Variants in SLC16A7 observed in about 807,000 individuals in gnomAD.
SLC16A7 encodes the protein solute carrier family 16 member 7.
SLC16A7 carries 33 observed loss-of-function variants against 34.9 expected under a neutral mutation model. That is an observed-to-expected ratio of 0.94 (90% CI 0.72 to 1.26). The LOEUF (loss-of-function observed/expected upper bound fraction) is 1.26. Ranked by LOEUF, SLC16A7 falls within the 50% of genes most tolerant of loss-of-function variation. The probability of loss-of-function intolerance (pLI) is 0.00; values close to 1 mark genes in which losing one functional copy is unlikely to be tolerated. For missense variants in SLC16A7, 573 were observed against 578.1 expected (o/e 0.99, Z 0.09); for synonymous variants, 201 against 206.6 (o/e 0.97, Z 0.23).
intron 3 of SLC16A7, among the ~76,000 whole-genome samples, chr12:59,730,382 A>G (rs1424532910): frequency 6.6e-6 from 1 of 151,600 alleles, no homozygotes; most frequent in African/African-American, 2.4e-5. Context: ...CACCTCCTAA[A>G]ATGATGACCT....
intron 3 of SLC16A7, among the ~76,000 whole-genome samples, chr12:59,729,996 C>T (rs1299805414): frequency 6.6e-6 from 1 of 152,150 alleles, no homozygotes; most frequent in Non-Finnish European, 1.5e-5. Flanking sequence ...CAAGCTTTCA[C>T]ATTTGCAAGA....
At chr12:59,674,888 A>C (rs1592474290) in intron 2 of SLC16A7, among the ~76,000 whole-genome samples, 1 of 152,312 alleles carries the variant, frequency 6.6e-6, no homozygotes, top group East Asian at 1.9e-4. Context: ...ATACAATGGG[A>C]CAGAAGATAG....
intron 3 of SLC16A7, among the ~76,000 whole-genome samples, chr12:59,712,047 A>G (rs576100778): frequency 4.9e-4 from 74 of 152,314 alleles, no homozygotes; most frequent in African/African-American, 1.8e-3. Context: ...AAATCACACA[A>G]GAATATATAC....
intron 3 of SLC16A7, among the ~76,000 whole-genome samples, chr12:59,733,487 C>T (rs916428042): frequency 6.6e-6 from 1 of 152,254 alleles, no homozygotes. Context: ...CCGGGCATAC[C>T]ACAAACGGCT....
At chr12:59,743,938 A>G (rs1162272432) in intron 3 of SLC16A7, among the ~76,000 whole-genome samples, 1 of 152,242 alleles carries the variant, frequency 6.6e-6, no homozygotes, top group Non-Finnish European at 1.5e-5. Flanking sequence ...TCTTACTGAG[A>G]GAAAATGAAA....
At chr12:59,678,549 G>T (rs922863565) in intron 2 of SLC16A7, among the ~76,000 whole-genome samples, 2 of 152,124 alleles carry the variant, frequency 1.3e-5, no homozygotes, top group South Asian at 2.1e-4. Context: ...ACTCTTCTAC[G>T]CAGGCAGGTT....
chr12:59,739,078 C>A (rs896080752), intron 3 of SLC16A7, among the ~76,000 whole-genome samples: 2 of 150,050 alleles, frequency 1.3e-5, no homozygotes, highest in African/African-American at 4.9e-5. Flanking sequence ...TTTTAGGGTA[C>A]ATGTGCACAA....
intron 2 of SLC16A7, among the ~76,000 whole-genome samples, chr12:59,696,832 G>A (rs896002889): frequency 1.7e-4 from 26 of 151,990 alleles, no homozygotes; most frequent in African/African-American, 5.8e-4. Context: ...AACAAAATAA[G>A]TAGTAGATAA....
At chr12:59,635,186 C>T (rs1880362034) in intron 1 of SLC16A7, among the ~76,000 whole-genome samples, 1 of 152,066 alleles carries the variant, frequency 6.6e-6, no homozygotes, top group South Asian at 2.1e-4. Context: ...ATTCTCATTA[C>T]ATGCTGCTGA....
rs549281015 is a variant in SLC16A7 at position 59,763,248 on chromosome 12, T to G, written c.218-7971T>G. 5.9e-5 allele frequency among the ~76,000 whole-genome samples: 9 copies of G among 152,226 alleles called. No homozygotes were observed. The South Asian group carries it at 1.7e-3, about 28-fold the overall frequency. Reference sequence around the variant, plus strand: ...TTTTGTCTCAATTATATTTCTTTCTTGGTTTTTCTTGGTTTTTAATTGAGG... The same window carrying G: ...TTTTGTCTCAATTATATTTCTTTCTGGGTTTTTCTTGGTTTTTAATTGAGG... On this transcript the variant is annotated intron_variant, in intron 3 of 5. Coordinates refer to ENST00000547379, the MANE Select transcript of SLC16A7 (RefSeq NM_001270623.2).
intron 1 of SLC16A7, among the ~76,000 whole-genome samples, chr12:59,637,160 T>G (rs1179169342): frequency 6.6e-6 from 1 of 152,110 alleles, no homozygotes; most frequent in African/African-American, 2.4e-5. Context: ...AAGCAGTCCC[T>G]TCACTGCCCC....
At chr12:59,697,930 A>G (rs995159691) in intron 2 of SLC16A7, among the ~76,000 whole-genome samples, 3 of 151,796 alleles carry the variant, frequency 2.0e-5, no homozygotes, top group South Asian at 2.1e-4. Flanking sequence ...TTACCCTATT[A>G]TATGCTAATA....
chr12:59,702,429 C>G (rs1872998279), intron 2 of SLC16A7, among the ~76,000 whole-genome samples: 1 of 152,138 alleles, frequency 6.6e-6, no homozygotes, highest in East Asian at 1.9e-4. Context: ...AAGCTGTACA[C>G]ATGCTGAAAA....
chr12:59,706,362 C>CTGTGTG (rs35397986), intron 3 of SLC16A7, among the ~76,000 whole-genome samples: 4,192 of 150,174 alleles, frequency 0.028, 156 homozygotes, highest in African/African-American at 0.086. Context: ...AAATAATTCC[C>CTGTGTG]TGTGTGTGTG....
rs1290106280 is a variant in SLC16A7 at position 59,697,037 on chromosome 12, A to G, written c.-30-7735A>G. Among the ~76,000 whole-genome samples, 5 of 151,974 alleles carry G rather than the reference A, an allele frequency of 3.3e-5. 1 individual carries two copies. Among genetic ancestry groups the G allele is most frequent in the Admixed American group, 2.0e-4 (3 of 15,204 alleles). ...ACGCTTAATCATATGTTTTTTATTTAAAGGCAAGGAAACTTTTGAAAGGAA... is the reference window on the plus strand; with the variant it reads ...ACGCTTAATCATATGTTTTTTATTTGAAGGCAAGGAAACTTTTGAAAGGAA... On this transcript the variant is annotated intron_variant, in intron 2 of 5. Coordinates refer to ENST00000547379, the MANE Select transcript of SLC16A7 (RefSeq NM_001270623.2).
At position 59,609,917 on chromosome 12, in the gene SLC16A7, G is replaced by A. The variant is rs116629471; in HGVS notation, c.-130+13681G>A. On this transcript the variant is annotated intron_variant, in intron 1 of 5. Coordinates refer to ENST00000547379, the MANE Select transcript of SLC16A7 (RefSeq NM_001270623.2). ...AGGCAGGTAACAAACTTGGTGCTAA[G>A]TGTGTGCCAAACATACAGTTACAGA... is the stretch of plus-strand genomic sequence containing the variant. 8.3e-3 allele frequency among the ~76,000 whole-genome samples: 1,259 copies of A among 152,260 alleles called. 15 individuals are homozygous for A. The highest frequency in any genetic ancestry group is 0.029 in the African/African-American group (1,211 of 41,526).
intron 3 of SLC16A7, among the ~76,000 whole-genome samples, chr12:59,748,048 C>CA (rs1290075833): frequency 6.6e-6 from 1 of 151,948 alleles, no homozygotes; most frequent in Non-Finnish European, 1.5e-5. Flanking sequence ...ACTAAAAATA[C>CA]AAAAATTAGC....
chr12:59,755,795 C>T (rs9668494), intron 3 of SLC16A7, among the ~76,000 whole-genome samples: 18,648 of 152,138 alleles, frequency 0.12, 1,492 homozygotes, highest in African/African-American at 0.22. Flanking sequence ...GCCCTCATCG[C>T]CAAGTCAATC....
intron 2 of SLC16A7, among the ~76,000 whole-genome samples, chr12:59,672,910 T>A (rs1870007318): frequency 6.6e-6 from 1 of 152,190 alleles, no homozygotes. Flanking sequence ...GTGCCATCTC[T>A]CTTTCAAGAT....
Sources: allele counts gnomAD v4.1 joint callset (sites outside exome capture counted in the v4.1 genomes callset), GRCh38; gene constraint gnomAD v4.1.1; transcripts MANE v1.5; gene names NCBI Gene and HGNC (gene_info 2026-07-23, HGNC 2026-07-21).